The following OPCML variants were observed in gnomAD, a reference collection of about 807,000 sequenced individuals.
OPCML encodes the protein opioid binding protein/cell adhesion molecule like.
Under a neutral mutation model 37.8 loss-of-function variants are expected in OPCML, and 13 were observed. That is an observed-to-expected ratio of 0.34 (90% CI 0.22 to 0.55). The LOEUF is 0.55. Among genes scored for constraint, OPCML ranks in the 20% least tolerant of loss-of-function variants. OPCML has a pLI of 0.91. For synonymous variants in OPCML, 176 were observed against 168.8 expected (o/e 1.04, Z -0.33); for missense variants, 341 against 435.6 (o/e 0.78, Z 1.93).
intron 2 of OPCML, among the ~76,000 whole-genome samples, chr11:132,692,836 T>C (rs1943457442): frequency 6.6e-6 from 1 of 152,208 alleles, no homozygotes; most frequent in African/African-American, 2.4e-5. Flanking sequence ...TGTCCATTGG[T>C]CCTTGTATTG....
chr11:133,072,503 G>A (rs1258513383), intron 1 of OPCML, among the ~76,000 whole-genome samples: 1 of 152,236 alleles, frequency 6.6e-6, no homozygotes, highest in Non-Finnish European at 1.5e-5. Context: ...ACTCATACAT[G>A]TGGGATAACA....
At chr11:133,441,976 A>C (rs571117097) in intron 1 of OPCML, among the ~76,000 whole-genome samples, 18 of 152,210 alleles carry the variant, frequency 1.2e-4, no homozygotes, top group Non-Finnish European at 2.1e-4. Flanking sequence ...AAATTAATAA[A>C]ATGCTAATAA....
In OPCML at chr11:132,696,809, C is replaced by A. The variant is rs569855516; in HGVS notation, c.147-39490G>T. Among the ~76,000 whole-genome samples the A allele has an allele frequency of 4.6e-5, 7 of 151,992 alleles. No homozygotes were observed. In the South Asian group the frequency reaches 1.5e-3, roughly 32 times the overall value. On this transcript the variant is annotated intron_variant, in intron 2 of 7. Transcript: ENST00000524381. ...GTCCAACGCTGACCCATAAAACCTG[C>A]AGAATTAGAGAATGGAGAAAGTAGA... is the stretch of plus-strand genomic sequence containing the variant.
At chr11:133,437,485 G>A (rs745490146) in intron 1 of OPCML, among the ~76,000 whole-genome samples, 20 of 152,226 alleles carry the variant, frequency 1.3e-4, no homozygotes, top group South Asian at 2.1e-4. Flanking sequence ...AAGACAATTA[G>A]GGTCTGGTAC....
intron 1 of OPCML, among the ~76,000 whole-genome samples, chr11:133,090,551 G>T (rs1695523554): frequency 6.6e-6 from 1 of 152,162 alleles, no homozygotes; most frequent in Non-Finnish European, 1.5e-5. Context: ...GAAACAGGAA[G>T]AAAGGCCATC....
chr11:133,199,739 G>T (rs1016398491), intron 1 of OPCML, among the ~76,000 whole-genome samples: 1 of 152,106 alleles, frequency 6.6e-6, no homozygotes, highest in African/African-American at 2.4e-5. Flanking sequence ...CTTAATTAAT[G>T]CTAACTACCA....
intron 4 of OPCML, among the ~76,000 whole-genome samples, chr11:132,438,048 A>G (rs1381876912): frequency 6.6e-6 from 1 of 152,178 alleles, no homozygotes; most frequent in Non-Finnish European, 1.5e-5. Context: ...TGGATTTAAT[A>G]CTCAATTTGG....
At chr11:133,218,389 C>T (rs1342293340) in intron 1 of OPCML, among the ~76,000 whole-genome samples, 1 of 152,092 alleles carries the variant, frequency 6.6e-6, no homozygotes, top group Non-Finnish European at 1.5e-5. Flanking sequence ...GTTAAGTGAT[C>T]GCCTTTAGAA....
chr11:132,881,663 C>CA lies in OPCML; in HGVS notation c.146+61262dup, dbSNP rs775316844. On this transcript the variant is annotated intron_variant, in intron 2 of 7. Transcript: ENST00000524381. ...AGAAAAAAAGGCCGTCTTCAGAAAA[C>CA]AAAAAATGGCATGACTAGCTCTCTC... is the stretch of plus-strand genomic sequence containing the variant. Among the ~76,000 whole-genome samples the CA allele has an allele frequency of 7.9e-5, 12 of 152,052 alleles. No individual in the cohort carries two copies. In the East Asian group the frequency reaches 1.7e-3, roughly 22 times the overall value.
In OPCML at chr11:132,768,292, A is replaced by G. The variant is rs371663318; in HGVS notation, c.147-110973T>C. On this transcript the variant is annotated intron_variant, in intron 2 of 7. Transcript: ENST00000524381. The stretch of plus-strand genomic sequence containing the variant: ...TCTATAACCATCCAAAAGACCATCT[A>G]TGATTCAGAACTGGTGAATGGCTTG... Among the ~76,000 whole-genome samples, 31 of 152,192 alleles carry G rather than the reference A, an allele frequency of 2.0e-4. 1 individual carries two copies. Among genetic ancestry groups the G allele is most frequent in the East Asian group, 9.7e-4 (5 of 5,176 alleles).
chr11:132,921,534 A>T (rs958050874), intron 2 of OPCML, among the ~76,000 whole-genome samples: 34 of 152,220 alleles, frequency 2.2e-4, no homozygotes, highest in African/African-American at 8.2e-4. Context: ...ACTTGCTGAC[A>T]GATCCTTCAT....
intron 3 of OPCML, among the ~76,000 whole-genome samples, chr11:132,540,987 C>A (rs986332997): frequency 6.6e-6 from 1 of 152,170 alleles, no homozygotes; most frequent in African/African-American, 2.4e-5. Context: ...CTGGAGAGTT[C>A]TTCTGGCCAC....
intron 2 of OPCML, among the ~76,000 whole-genome samples, chr11:132,794,144 C>T (rs1591619854): frequency 6.6e-6 from 1 of 152,226 alleles, no homozygotes; most frequent in Admixed American, 6.5e-5. Flanking sequence ...TCCCAATTCC[C>T]ACTTGCCAGT....
intron 1 of OPCML, among the ~76,000 whole-genome samples, chr11:133,171,951 G>C (rs1430097310): frequency 2.0e-5 from 3 of 152,198 alleles, no homozygotes; most frequent in Non-Finnish European, 4.4e-5. Flanking sequence ...TCATGGAATT[G>C]ATTTAATGCT....
At chr11:133,190,812 G>GT (rs1443564204) in intron 1 of OPCML, among the ~76,000 whole-genome samples, 2 of 151,612 alleles carry the variant, frequency 1.3e-5, no homozygotes, top group Non-Finnish European at 2.9e-5. Flanking sequence ...ATGTATTAGT[G>GT]TTTTATTTTT....
At chr11:133,013,569 C>T (rs1196452636) in intron 1 of OPCML, among the ~76,000 whole-genome samples, 1 of 152,164 alleles carries the variant, frequency 6.6e-6, no homozygotes, top group Admixed American at 6.5e-5. Context: ...AAAAATTAAG[C>T]ATTAGAAACC....
intron 2 of OPCML, among the ~76,000 whole-genome samples, chr11:132,676,940 G>T (rs1359384585): frequency 6.6e-6 from 1 of 151,826 alleles, no homozygotes; most frequent in Non-Finnish European, 1.5e-5. Context: ...TAAGAAGAAA[G>T]AAACCAAACT....
intron 1 of OPCML, among the ~76,000 whole-genome samples, chr11:133,140,745 C>G (rs62637091): frequency 7.5e-5 from 6 of 80,278 alleles, no homozygotes; most frequent in Non-Finnish European, 1.4e-4. Flanking sequence ...ACGACGACGA[C>G]GAGGAAGAAG....
chr11:132,555,134 A>T (rs569359374), intron 3 of OPCML, among the ~76,000 whole-genome samples: 25 of 152,114 alleles, frequency 1.6e-4, no homozygotes, highest in Non-Finnish European at 3.5e-4. Context: ...ATCATGTCTG[A>T]TAAGTCTGTT....
Sources: allele counts gnomAD v4.1 joint callset (sites outside exome capture counted in the v4.1 genomes callset), GRCh38; gene constraint gnomAD v4.1.1; transcripts MANE v1.5; gene names NCBI Gene and HGNC (gene_info 2026-07-23, HGNC 2026-07-21).